The following HELZ variants were observed in gnomAD, a reference collection of about 807,000 sequenced individuals.
The protein encoded by HELZ is helicase with zinc finger.
HELZ carries 23 observed loss-of-function variants against 218.2 expected under a neutral mutation model. That is an observed-to-expected ratio of 0.11 (90% CI 0.08 to 0.15). HELZ has a LOEUF of 0.15. Ranked by LOEUF, HELZ falls within the 10% of genes least tolerant of loss-of-function variation. The pLI is 1.00. For missense variants in HELZ, 1,813 were observed against 2,353.7 expected (o/e 0.77, Z 4.75); for synonymous variants, 814 against 829.4 (o/e 0.98, Z 0.32).
intron 31 of HELZ, among the ~76,000 whole-genome samples, chr17:67,097,596 T>A (rs1237606841): frequency 1.3e-5 from 2 of 152,232 alleles, no homozygotes; most frequent in Non-Finnish European, 2.9e-5. Flanking sequence ...ATAGAAGGGA[T>A]ACCAGAACGA....
upstream of HELZ, chr17:67,245,241 G>A: frequency 1.0e-6 from 1 of 983,150 alleles, no homozygotes; most frequent in Non-Finnish European, 1.2e-6. Flanking sequence ...ACTCCCCCCG[G>A]CCCCCGACTC....
chr17:67,167,633 T>G lies in HELZ; in HGVS notation c.1594A>C (p.Asn532His), dbSNP rs2039185003. The change falls in exon 14 of 33, where the codon AAT (asparagine) becomes CAT (histidine). Residue 532 changes from asparagine (N) to histidine (H), a missense_variant. Around this residue, in one of 4 missense-constraint regions of HELZ, gnomAD observed 714 missense variants for 1,029.2 expected, o/e 0.69. Transcript: ENST00000358691. Reference sequence around the variant, plus strand: ...GGGACTGGTAATAAATAAACAGCATTGACTTTGGTCATCACCAGTCGTCCA... The same window carrying G: ...GGGACTGGTAATAAATAAACAGCATGGACTTTGGTCATCACCAGTCGTCCA... ...LAGRLVMTKV[N>H]AVYLLPVPKQ... 1 of 1,614,074 alleles carries G rather than the reference T, an allele frequency of 6.2e-7. No individual in the cohort carries two copies.
intron 12 of HELZ, among the ~76,000 whole-genome samples, chr17:67,186,170 A>C (rs76371489): frequency 2.0e-5 from 3 of 151,640 alleles, no homozygotes; most frequent in African/African-American, 4.8e-5. Context: ...CAAAAAAAAA[A>C]CCCAACTCTT....
chr17:67,123,944 G>C lies in HELZ; in HGVS notation c.3439+19C>G. The C allele has an allele frequency of 6.3e-7, 1 of 1,582,332 alleles. No individual in the cohort carries two copies. Among genetic ancestry groups the C allele is most frequent in the South Asian group, 1.1e-5 (1 of 90,128 alleles). On this transcript the variant is annotated intron_variant, in intron 25 of 32. Transcript: ENST00000358691. ...TACATCATAAAAGCAAGTTTTCATA[G>C]GGTAATTTTTCCACTTACCAATTCC...
Position 67,224,942 on chromosome 17 carries a change from T to C in HELZ, c.-18-6120A>G, listed in dbSNP as rs978262805. 1.1e-5 allele frequency: 8 copies of C among 712,772 alleles called. No individual in the cohort carries two copies. The African/African-American group carries it at 1.2e-4, about 11-fold the overall frequency. 44.2% of individuals were successfully genotyped at this position (712,772 alleles called of 1,614,324 possible). ...ACGACTGTGCTAAGACTTGAGTGCG[T>C]TGAGCCCAAACAGATCTAAGAGAAT... On this transcript the variant is annotated intron_variant, in intron 3 of 32. Coordinates refer to ENST00000358691, the MANE Select transcript of HELZ (RefSeq NM_014877.4).
In HELZ at chr17:67,171,234, C is replaced by A. The variant is rs564634574; in HGVS notation, c.1431-3438G>T. ...CTCTGTAAGTTCTTGATAGGTCACC[C>A]TCTCCCAGATCTCCCAGCTCAGGGC... On this transcript the variant is annotated intron_variant, in intron 13 of 32. Transcript: ENST00000358691. 2.6e-5 allele frequency among the ~76,000 whole-genome samples: 4 copies of A among 152,212 alleles called. No individual in the cohort carries two copies. The South Asian group carries it at 8.3e-4, about 32-fold the overall frequency.
At chr17:67,084,069 T>C (rs1330172521) in intron 32 of HELZ, among the ~76,000 whole-genome samples, 3 of 152,216 alleles carry the variant, frequency 2.0e-5, no homozygotes, top group Non-Finnish European at 2.9e-5. Flanking sequence ...AAGTCTCTCA[T>C]GTGATTATTT....
intron 15 of HELZ, among the ~76,000 whole-genome samples, chr17:67,162,007 T>C (rs1409429298): frequency 6.6e-6 from 1 of 152,164 alleles, no homozygotes; most frequent in East Asian, 1.9e-4. Flanking sequence ...GCCTGCAAAA[T>C]AACCCTCAAA....
intron 3 of HELZ, among the ~76,000 whole-genome samples, chr17:67,233,295 G>A (rs1475559632): frequency 6.6e-6 from 1 of 152,220 alleles, no homozygotes; most frequent in Non-Finnish European, 1.5e-5. Flanking sequence ...GGAGGCTGCA[G>A]TGAGCTGAGA....
chr17:67,173,840 A>G (rs1329052368), intron 13 of HELZ, among the ~76,000 whole-genome samples: 2 of 152,214 alleles, frequency 1.3e-5, no homozygotes, highest in African/African-American at 4.8e-5. Context: ...AGCAGCACCC[A>G]TCTAACGATG....
At chr17:67,244,665 C>T in intron 1 of HELZ, 1 of 979,318 alleles carries the variant, frequency 1.0e-6, no homozygotes, top group Non-Finnish European at 1.2e-6. Flanking sequence ...CCCACTTTTC[C>T]CCACGCCCCC....
At chr17:67,180,826 G>A (rs533779370) in intron 12 of HELZ, among the ~76,000 whole-genome samples, 6 of 149,848 alleles carry the variant, frequency 4.0e-5, no homozygotes, top group South Asian at 2.1e-4. Context: ...TGCAGTGAGC[G>A]GAGATCGCGC....
intron 24 of HELZ, among the ~76,000 whole-genome samples, chr17:67,126,792 C>T (rs1037720098): frequency 5.3e-5 from 8 of 152,026 alleles, no homozygotes; most frequent in African/African-American, 1.7e-4. Context: ...ACCCGGGAGG[C>T]GGAGGCTGCA....
In HELZ at chr17:67,151,088, A is replaced by G; in HGVS notation, c.2314T>C (p.Leu772=). 4 of 1,614,006 alleles carry G rather than the reference A, an allele frequency of 2.5e-6. No homozygotes were observed. In the African/African-American group the frequency reaches 4.0e-5, roughly 16 times the overall value. Reference sequence around the variant, plus strand: ...TGACAGAGGTACTGGGAAGTATTCAAGGTAACAACCACCACTCGATGTTTA... The same window carrying G: ...TGACAGAGGTACTGGGAAGTATTCAGGGTAACAACCACCACTCGATGTTTA... ...ILKHRVVVVT[L]NTSQYLCQLD... Residue 772 remains leucine (L), a synonymous_variant, in exon 18 of 33, where the codon TTG becomes CTG. Transcript: ENST00000358691.
chr17:67,193,344 C>T (rs1236038309), intron 9 of HELZ, among the ~76,000 whole-genome samples: 2 of 91,906 alleles, frequency 2.2e-5, no homozygotes, highest in Non-Finnish European at 4.4e-5. Context: ...GACTCTGTCT[C>T]AAAAAAAAAA....
intron 27 of HELZ, among the ~76,000 whole-genome samples, chr17:67,118,970 T>A (rs904921285): frequency 1.3e-5 from 2 of 152,010 alleles, no homozygotes; most frequent in African/African-American, 4.8e-5. Context: ...TGATTAGACA[T>A]CCACTAACAA....
At chr17:67,205,971 T>C (rs1598420954) in intron 5 of HELZ, among the ~76,000 whole-genome samples, 1 of 152,162 alleles carries the variant, frequency 6.6e-6, no homozygotes. Context: ...TAACTATAGA[T>C]AAAAACCTCT....
intron 31 of HELZ, among the ~76,000 whole-genome samples, chr17:67,100,124 T>C (rs2036879027): frequency 6.6e-6 from 1 of 152,218 alleles, no homozygotes; most frequent in Admixed American, 6.5e-5. Context: ...AAGATTATAA[T>C]CTTCAAGATA....
At chr17:67,218,453 T>C in intron 4 of HELZ, 142 bp downstream of exon 4, 1 of 695,210 alleles carries the variant, frequency 1.4e-6, no homozygotes, top group South Asian at 1.8e-5. Flanking sequence ...CGTAGTTACC[T>C]TGCCATCAAA....
Sources: allele counts gnomAD v4.1 joint callset (sites outside exome capture counted in the v4.1 genomes callset), GRCh38; gene constraint gnomAD v4.1.1; regional missense constraint gnomAD v4.1.1; transcripts MANE v1.5; gene names NCBI Gene and HGNC (gene_info 2026-07-23, HGNC 2026-07-21).